The following CSGALNACT1 variants were observed in gnomAD, a reference collection of about 807,000 sequenced individuals.
CSGALNACT1 encodes beta4GalNAcT-1.
In CSGALNACT1, 52 loss-of-function variants were observed where a neutral mutation model predicts 51.0. The ratio of observed to expected loss-of-function variants is 1.02; its 90% CI spans 0.82 to 1.29. CSGALNACT1 has a LOEUF of 1.29. CSGALNACT1 is among the 50% of genes most tolerant of loss of function. The pLI, the probability that CSGALNACT1 is intolerant of heterozygous loss-of-function variation, is 0.00. For synonymous variants in CSGALNACT1, 341 were observed against 254.4 expected (o/e 1.34, Z -3.24); for missense variants, 935 against 679.2 (o/e 1.38, Z -4.19).
intron 4 of CSGALNACT1, among the ~76,000 whole-genome samples, 197 bp from the exon 4 acceptor site, chr8:19,458,839 A>T (rs889056241): frequency 4.6e-5 from 7 of 152,190 alleles, no homozygotes; most frequent in African/African-American, 1.7e-4. Flanking sequence ...TTAAAATCAC[A>T]GTTATGAAGA....
chr8:19,569,316 G>C (rs1391778916), intron 3 of CSGALNACT1, among the ~76,000 whole-genome samples: 1 of 152,156 alleles, frequency 6.6e-6, no homozygotes, highest in Non-Finnish European at 1.5e-5. Context: ...CATGGCACTT[G>C]ATCATAACTT....
chr8:19,522,909 G>C (rs1370618467), intron 3 of CSGALNACT1, among the ~76,000 whole-genome samples: 1 of 152,176 alleles, frequency 6.6e-6, no homozygotes, highest in African/African-American at 2.4e-5. Context: ...GTGGTGAGCG[G>C]AGTTTCCTGA....
intron 1 of CSGALNACT1, among the ~76,000 whole-genome samples, chr8:19,735,486 G>T (rs1350702434): frequency 6.6e-6 from 1 of 151,668 alleles, no homozygotes; most frequent in African/African-American, 2.4e-5. Context: ...AAAATTCTCA[G>T]GAGGGAAAGC....
chr8:19,534,660 A>T (rs1387816433), intron 3 of CSGALNACT1, among the ~76,000 whole-genome samples: 1 of 152,168 alleles, frequency 6.6e-6, no homozygotes, highest in Non-Finnish European at 1.5e-5. Flanking sequence ...CTAAAAGCAG[A>T]CGGGAATCGA....
chr8:19,652,321 T>C (rs1589276939), intron 1 of CSGALNACT1, among the ~76,000 whole-genome samples: 1 of 152,136 alleles, frequency 6.6e-6, no homozygotes, highest in Non-Finnish European at 1.5e-5. Flanking sequence ...TTAAGGTAAA[T>C]ATTTGGTGAC....
chr8:19,623,202 T>A (rs2054043594), intron 1 of CSGALNACT1, among the ~76,000 whole-genome samples: 1 of 152,198 alleles, frequency 6.6e-6, no homozygotes, highest in South Asian at 2.1e-4. Context: ...ACCACTGTCA[T>A]CAGATTGATA....
In CSGALNACT1 at chr8:19,406,625, A is replaced by T. The variant is rs1188560251; in HGVS notation, c.1310-556T>A. Among the ~76,000 whole-genome samples, 6 of 35,596 alleles carry T rather than the reference A, an allele frequency of 1.7e-4. No individual in the cohort carries two copies. The East Asian group carries it at 0.058, about 342-fold the overall frequency. 23.4% of individuals were successfully genotyped at this position (35,596 alleles called of 152,430 possible). A position where few individuals can be genotyped will look rare whatever the true frequency, so the allele number is the denominator to read the frequency against. On this transcript the variant is annotated intron_variant, in intron 9 of 9. Coordinates refer to ENST00000454498, the Ensembl canonical transcript of CSGALNACT1. Reference sequence around the variant, plus strand: ...AATAATTAAAAATAGAGGTTTCGTAAAAAAAAAAAAAAAAAAAAAAAAAAA... The same window carrying T: ...AATAATTAAAAATAGAGGTTTCGTATAAAAAAAAAAAAAAAAAAAAAAAAA...
intron 1 of CSGALNACT1, among the ~76,000 whole-genome samples, chr8:19,725,938 G>A (rs909242785): frequency 1.3e-5 from 2 of 151,912 alleles, no homozygotes; most frequent in Admixed American, 1.3e-4. Flanking sequence ...CTTCACTCTC[G>A]GTATTGTACA....
chr8:19,507,004 T>C (rs13266857), intron 3 of CSGALNACT1, among the ~76,000 whole-genome samples: 86,842 of 152,132 alleles, frequency 0.57, 25,901 homozygotes, highest in East Asian at 0.84. Context: ...TGCACTCACT[T>C]AGAGCAGGCC....
chr8:19,503,302 G>T (rs1421540296), intron 4 of CSGALNACT1, among the ~76,000 whole-genome samples: 1 of 152,162 alleles, frequency 6.6e-6, no homozygotes, highest in Admixed American at 6.5e-5. Flanking sequence ...TAGCTATAAT[G>T]TGTCTCTAAA....
intron 4 of CSGALNACT1, among the ~76,000 whole-genome samples, chr8:19,480,095 G>A (rs2070939236): frequency 6.6e-6 from 1 of 152,142 alleles, no homozygotes; most frequent in African/African-American, 2.4e-5. Flanking sequence ...TAGGAAACAA[G>A]TCATGTATTT....
At chr8:19,423,766 C>A (rs1401194494) in intron 6 of CSGALNACT1, among the ~76,000 whole-genome samples, 1 of 152,108 alleles carries the variant, frequency 6.6e-6, no homozygotes, top group African/African-American at 2.4e-5. Flanking sequence ...ATGCAAAAGG[C>A]AATTTGCTTC....
upstream of CSGALNACT1, among the ~76,000 whole-genome samples, chr8:19,686,083 G>A (rs6586856): frequency 0.89 from 135,548 of 152,180 alleles, 60,602 homozygotes; most frequent in African/African-American, 0.97. Context: ...CACAGTCAAG[G>A]GCACAGTTAA....
At chr8:19,577,969 C>T (rs934869856) in intron 3 of CSGALNACT1, among the ~76,000 whole-genome samples, 1 of 152,056 alleles carries the variant, frequency 6.6e-6, no homozygotes, top group African/African-American at 2.4e-5. Flanking sequence ...AGTTGGCATG[C>T]GGAATAACTG....
At position 19,442,142 on chromosome 8, in the gene CSGALNACT1, A is replaced by C. The variant is rs1448022631; in HGVS notation, c.852-2211T>G. Among the ~76,000 whole-genome samples the C allele has an allele frequency of 2.0e-5, 3 of 152,204 alleles. No individual in the cohort carries two copies. In the East Asian group the frequency reaches 5.8e-4, roughly 29 times the overall value. ...GGTGGGAATGTAAACTAGTTCAACC[A>C]TTGTGGAAGTCAGTGTGGCGATTCC... is the stretch of plus-strand genomic sequence containing the variant. On this transcript the variant is annotated intron_variant, in intron 5 of 9. Transcript: ENST00000454498.
intron 1 of CSGALNACT1, among the ~76,000 whole-genome samples, chr8:19,614,372 C>A (rs909730613): frequency 6.6e-6 from 1 of 152,106 alleles, no homozygotes; most frequent in African/African-American, 2.4e-5. Context: ...TTATACCATC[C>A]TGCCTCATAA....
At chr8:19,566,513 C>T (rs1372795548) in intron 3 of CSGALNACT1, among the ~76,000 whole-genome samples, 2 of 152,200 alleles carry the variant, frequency 1.3e-5, no homozygotes, top group South Asian at 2.1e-4. Flanking sequence ...ACTTAATGGA[C>T]TGCTTAATAT....
At chr8:19,448,882 T>C (rs2062602439) in intron 5 of CSGALNACT1, among the ~76,000 whole-genome samples, 1 of 152,216 alleles carries the variant, frequency 6.6e-6, no homozygotes, top group South Asian at 2.1e-4. Context: ...CTTCTGTGGT[T>C]ACAAGAAGAA....
chr8:19,405,946 T>C (rs2054065307), exon 10 of CSGALNACT1: 13 of 1,614,080 alleles, frequency 8.1e-6, no homozygotes, highest in Non-Finnish European at 1.1e-5. Flanking sequence ...GCAGCGCTTC[T>C]CATGCCAGAG....
Sources: gnomAD v4.1 joint callset for allele counts (sites outside exome capture counted in the v4.1 genomes callset) on GRCh38, gnomAD v4.1.1 for gene constraint, MANE v1.5 for transcripts, NCBI Gene and HGNC (gene_info 2026-07-23, HGNC 2026-07-21) for gene names.